MEF2C: variants seen among roughly 807,000 people sequenced by gnomAD.
MEF2C encodes myocyte-specific enhancer factor 2C.
In MEF2C, 6 loss-of-function variants were observed where a neutral mutation model predicts 50.5. The observed-to-expected ratio is 0.12, with a 90% confidence interval of 0.07 to 0.23. The LOEUF (loss-of-function observed/expected upper bound fraction) is 0.23. Ranked by LOEUF, MEF2C falls within the 10% of genes least tolerant of loss-of-function variation. The pLI is 1.00. For missense variants in MEF2C, 276 were observed against 605.0 expected, an observed-to-expected ratio of 0.46 and a Z score of 5.70; for synonymous variants, 183 against 228.0, an observed-to-expected ratio of 0.80 and a Z score of 1.78.
chr5:88,791,707 A>G (rs1432279989), intron 3 of MEF2C, among the ~76,000 whole-genome samples: 1 of 152,152 alleles, frequency 6.6e-6, no homozygotes, highest in African/African-American at 2.4e-5. Flanking sequence ...TATGAGAAAT[A>G]TGAATACATT....
intron 1 of MEF2C, among the ~76,000 whole-genome samples, chr5:88,899,511 C>T (rs150000888): frequency 0.014 from 2,085 of 152,274 alleles, 54 homozygotes; most frequent in Admixed American, 0.067. Context: ...GACTTGTTTC[C>T]AGTCACAAAA....
chr5:88,803,239 C>T (rs1271661211), intron 3 of MEF2C, among the ~76,000 whole-genome samples: 1 of 152,214 alleles, frequency 6.6e-6, no homozygotes, highest in Non-Finnish European at 1.5e-5. Flanking sequence ...ATTTTAAGCA[C>T]ATATCACCCT....
At chr5:88,807,336 G>C (rs778710076) in intron 2 of MEF2C, among the ~76,000 whole-genome samples, 1 of 152,006 alleles carries the variant, frequency 6.6e-6, no homozygotes, top group Non-Finnish European at 1.5e-5. Context: ...CCATCCTCCC[G>C]CCTCAACCTC....
chr5:88,872,616 C>A (rs1355535103), intron 1 of MEF2C, among the ~76,000 whole-genome samples: 3 of 151,882 alleles, frequency 2.0e-5, no homozygotes, highest in Non-Finnish European at 4.4e-5. Flanking sequence ...AAATATAGTA[C>A]AATGCTATGA....
Position 88,860,309 on chromosome 5 carries a change from A to C in MEF2C, c.-143+22646T>G, listed in dbSNP as rs146456180. 7.6e-3 allele frequency among the ~76,000 whole-genome samples: 1,155 copies of C among 151,994 alleles called. 15 individuals carry two copies. Among genetic ancestry groups the C allele is most frequent in the Middle Eastern group, 0.017 (5 of 294 alleles). The stretch of plus-strand genomic sequence containing the variant: ...ATGTGGACAGGTGAATAAATGCATG[A>C]AACTATTTGTATGCTTTTTTTTTTT... On this transcript the variant is annotated intron_variant, in intron 1 of 10. Coordinates refer to ENST00000504921, the MANE Select transcript of MEF2C (RefSeq NM_002397.5).
At chr5:88,864,149 TTG>T (rs202023905) in intron 1 of MEF2C, among the ~76,000 whole-genome samples, 2 of 122,400 alleles carry the variant, frequency 1.6e-5, no homozygotes, top group African/African-American at 3.9e-5. Context: ...GTTTTTTTTT[TTG>T]TTTTTTTTTT....
intron 1 of MEF2C, chr5:88,838,707 C>T (rs886638785): frequency 3.7e-5 from 36 of 985,268 alleles, no homozygotes; most frequent in Non-Finnish European, 4.3e-5. Flanking sequence ...ATTATCCTTA[C>T]CCTCCTCCCC....
At chr5:88,874,707 GAAATA>G (rs1439962843) in intron 1 of MEF2C, among the ~76,000 whole-genome samples, 1 of 151,834 alleles carries the variant, frequency 6.6e-6, no homozygotes, top group Non-Finnish European at 1.5e-5. Context: ...AGTTTCAAGA[GAAATA>G]AAATTAAATT....
chr5:88,745,964 G>A (rs628158), intron 6 of MEF2C, among the ~76,000 whole-genome samples: 74,219 of 152,078 alleles, frequency 0.49, 19,436 homozygotes, highest in East Asian at 0.58. Context: ...TGAGAATGAT[G>A]CTTTTTGTAG....
intron 6 of MEF2C, chr5:88,734,576 T>A: frequency 1.2e-6 from 1 of 856,638 alleles, no homozygotes; most frequent in Non-Finnish European, 1.4e-6. Flanking sequence ...TTTTTTTTTT[T>A]TTTTTTTTTT....
rs1203385678 is a variant in MEF2C at position 88,722,874 on chromosome 5, A to G, written c.1152T>C (p.Ser384=). 6.2e-7 allele frequency: 1 copy of G among 1,613,776 alleles called. No individual in the cohort carries two copies. The change falls in exon 11 of 11, where the codon TCT becomes TCC. Residue 384 remains serine (S), a synonymous_variant. Transcript: ENST00000504921. ...CTGACTTGATGTTGAGGCTTTGAGTAGAAGGCAGGGAGAGATTTGAACTCT... is the reference window on the plus strand; with the variant it reads ...CTGACTTGATGTTGAGGCTTTGAGTGGAAGGCAGGGAGAGATTTGAACTCT... ...LSQSSNLSLP[S]TQSLNIKSEP...
intron 6 of MEF2C, chr5:88,742,210 C>T: frequency 4.1e-6 from 4 of 985,250 alleles, no homozygotes; most frequent in Non-Finnish European, 4.8e-6. Flanking sequence ...TCTACTGATG[C>T]ACAATGTCAC....
chr5:88,876,171 T>C (rs1303075251), intron 1 of MEF2C, among the ~76,000 whole-genome samples: 1 of 150,790 alleles, frequency 6.6e-6, no homozygotes, highest in East Asian at 2.0e-4. Flanking sequence ...AGGATATAAC[T>C]TAAAACATCT....
chr5:88,798,624 T>G (rs1478738042), intron 3 of MEF2C, among the ~76,000 whole-genome samples: 2 of 152,138 alleles, frequency 1.3e-5, no homozygotes, highest in Non-Finnish European at 2.9e-5. Flanking sequence ...TTACCCACCT[T>G]CTGAAGCCTA....
chr5:88,750,201 T>A, intron 5 of MEF2C: 2 of 571,440 alleles, frequency 3.5e-6, no homozygotes, highest in Non-Finnish European at 4.4e-6. Context: ...TACATATATA[T>A]ACACGATTTT....
At chr5:88,809,589 T>A (rs1489283420) in intron 2 of MEF2C, among the ~76,000 whole-genome samples, 2 of 152,134 alleles carry the variant, frequency 1.3e-5, no homozygotes, top group Non-Finnish European at 2.9e-5. Flanking sequence ...GCCAACAGAG[T>A]TATATTTTCA....
intron 1 of MEF2C, among the ~76,000 whole-genome samples, chr5:88,869,765 C>A (rs576443522): frequency 4.7e-5 from 7 of 149,048 alleles, no homozygotes; most frequent in African/African-American, 1.7e-4. Context: ...GAAATCTTAA[C>A]GAACAAAAAT....
intron 3 of MEF2C, among the ~76,000 whole-genome samples, chr5:88,796,656 T>C (rs1049843917): frequency 1.3e-5 from 2 of 152,190 alleles, no homozygotes; most frequent in African/African-American, 4.8e-5. Context: ...AGTTATTTCT[T>C]GTCTTCTGCC....
intron 3 of MEF2C, among the ~76,000 whole-genome samples, chr5:88,795,858 G>A (rs1319770384): frequency 6.6e-6 from 1 of 152,158 alleles, no homozygotes; most frequent in Non-Finnish European, 1.5e-5. Flanking sequence ...AAGGAGTGTT[G>A]AATTTTATCG....
Sources: allele counts gnomAD v4.1 joint callset (sites outside exome capture counted in the v4.1 genomes callset), GRCh38; gene constraint gnomAD v4.1.1; transcripts MANE v1.5; gene names NCBI Gene and HGNC (gene_info 2026-07-23, HGNC 2026-07-21).